PLGRKT: variants seen among roughly 807,000 people sequenced by gnomAD.
PLGRKT encodes plasminogen receptor with a C-terminal lysine, also known as plasminogen receptor (KT).
Under a neutral mutation model 18.5 loss-of-function variants are expected in PLGRKT, and 22 were observed. The ratio of observed to expected loss-of-function variants is 1.19; its 90% CI spans 0.85 to 1.70. The LOEUF (loss-of-function observed/expected upper bound fraction) is 1.70, where lower values mean the gene tolerates loss of function less well. PLGRKT is among the 40% of genes most tolerant of loss of function. The pLI is 0.00. For missense variants in PLGRKT, 235 were observed against 174.4 expected, an observed-to-expected ratio of 1.35 and a Z score of -1.96; for synonymous variants, 72 against 52.8, an observed-to-expected ratio of 1.36 and a Z score of -1.58.
intron 2 of PLGRKT, among the ~76,000 whole-genome samples, chr9:5,433,980 G>A (rs1307987584): frequency 3.3e-4 from 47 of 140,916 alleles, no homozygotes; most frequent in Admixed American, 1.0e-3. Context: ...GAGCGCCTCT[G>A]CCCGGCTGCC....
intron 3 of PLGRKT, among the ~76,000 whole-genome samples, chr9:5,365,339 A>G (rs1306324125): frequency 6.6e-6 from 1 of 152,224 alleles, no homozygotes; most frequent in African/African-American, 2.4e-5. Flanking sequence ...CAAAATAAAT[A>G]ACATAGTGTT....
intron 3 of PLGRKT, among the ~76,000 whole-genome samples, chr9:5,394,443 C>T (rs995717290): frequency 5.9e-5 from 9 of 151,872 alleles, no homozygotes; most frequent in African/African-American, 2.2e-4. Flanking sequence ...GAAGGAGTCT[C>T]GCTGTGTTGC....
intron 3 of PLGRKT, among the ~76,000 whole-genome samples, chr9:5,383,110 G>A (rs781326603): frequency 2.0e-5 from 3 of 152,226 alleles, no homozygotes; most frequent in Non-Finnish European, 2.9e-5. Flanking sequence ...AGAGTAGAGA[G>A]GCCAGGTGGA....
intron 3 of PLGRKT, among the ~76,000 whole-genome samples, chr9:5,401,506 G>C (rs1317748121): frequency 6.6e-6 from 1 of 151,868 alleles, no homozygotes; most frequent in Non-Finnish European, 1.5e-5. Flanking sequence ...GTAACCCAGA[G>C]AAAGATTAGA....
At chr9:5,378,682 T>A (rs1234075346) in intron 3 of PLGRKT, among the ~76,000 whole-genome samples, 32 of 152,208 alleles carry the variant, frequency 2.1e-4, no homozygotes, top group Non-Finnish European at 2.9e-5. Flanking sequence ...ATGAAGAAGA[T>A]AGAAGAGTTA....
intron 3 of PLGRKT, among the ~76,000 whole-genome samples, chr9:5,404,241 TTG>T (rs1818212491): frequency 2.1e-4 from 32 of 152,028 alleles, no homozygotes; most frequent in Non-Finnish European, 1.5e-4. Flanking sequence ...TTCCAAACAA[TTG>T]AAAAGGAGGG....
At chr9:5,413,153 T>A (rs1818396963) in intron 3 of PLGRKT, among the ~76,000 whole-genome samples, 1 of 152,228 alleles carries the variant, frequency 6.6e-6, no homozygotes, top group South Asian at 2.1e-4. Flanking sequence ...AAGAGAAACG[T>A]AGCAATATCT....
intron 3 of PLGRKT, among the ~76,000 whole-genome samples, chr9:5,383,810 C>T (rs1817790193): frequency 6.6e-6 from 1 of 152,176 alleles, no homozygotes; most frequent in East Asian, 1.9e-4. Context: ...TCCTGCTGGG[C>T]AGTCCGGTTC....
In PLGRKT at chr9:5,394,869, T is replaced by C. The variant is rs79589149; in HGVS notation, c.82-32981A>G. ...GCTGGAGATAGACTACAGTGAACTA[T>C]TTCCAAACAGCCAGCCATGGTGAAG... On this transcript the variant is annotated intron_variant, in intron 3 of 5. Coordinates refer to ENST00000223864, the MANE Select transcript of PLGRKT (RefSeq NM_018465.4). 4.2e-3 allele frequency among the ~76,000 whole-genome samples: 639 copies of C among 152,030 alleles called. 16 individuals carry two copies. Among genetic ancestry groups the C allele is most frequent in the African/African-American group, 0.015 (620 of 41,300 alleles).
intron 3 of PLGRKT, among the ~76,000 whole-genome samples, chr9:5,389,490 T>A (rs1817906674): frequency 6.6e-6 from 1 of 152,018 alleles, no homozygotes. Context: ...TGCCATGTGC[T>A]TTGAGGGGAT....
intron 5 of PLGRKT, among the ~76,000 whole-genome samples, chr9:5,360,466 T>C (rs756693198): frequency 6.6e-5 from 10 of 152,174 alleles, no homozygotes; most frequent in Non-Finnish European, 1.3e-4. Context: ...TAAAACTTTA[T>C]TTTGGAAAAC....
chr9:5,394,320 G>C (rs989567485), intron 3 of PLGRKT, among the ~76,000 whole-genome samples: 1 of 151,966 alleles, frequency 6.6e-6, no homozygotes, highest in South Asian at 2.1e-4. Context: ...AAAGAACAAG[G>C]TAAATGGCTC....
chr9:5,377,923 C>T lies in PLGRKT; in HGVS notation c.82-16035G>A, dbSNP rs574323579. On this transcript the variant is annotated intron_variant, in intron 3 of 5. Coordinates refer to ENST00000223864, the MANE Select transcript of PLGRKT (RefSeq NM_018465.4). ...CAAGAAAGAAAGAAAAAATAGAAGGCAGTACCACTGAGACCTGAAGTATGA... is the reference window on the plus strand; with the variant it reads ...CAAGAAAGAAAGAAAAAATAGAAGGTAGTACCACTGAGACCTGAAGTATGA... 2.6e-5 allele frequency among the ~76,000 whole-genome samples: 4 copies of T among 152,298 alleles called. No individual in the cohort carries two copies. The South Asian group carries it at 8.3e-4, about 32-fold the overall frequency.
chr9:5,405,581 C>T (rs986285468), intron 3 of PLGRKT, among the ~76,000 whole-genome samples: 5 of 152,154 alleles, frequency 3.3e-5, no homozygotes, highest in African/African-American at 1.2e-4. Flanking sequence ...AACTGGATCC[C>T]TTCCTTACAC....
chr9:5,368,931 C>G (rs1328506650), intron 3 of PLGRKT, among the ~76,000 whole-genome samples: 1 of 152,162 alleles, frequency 6.6e-6, no homozygotes, highest in African/African-American at 2.4e-5. Context: ...TGGACCCCTT[C>G]CTTATGCCTT....
chr9:5,425,187 T>A (rs370181983), intron 3 of PLGRKT, among the ~76,000 whole-genome samples: 10 of 152,174 alleles, frequency 6.6e-5, no homozygotes, highest in African/African-American at 2.2e-4. Flanking sequence ...AAAATGCTTT[T>A]CCAGCCACTC....
chr9:5,376,115 T>G (rs1042367822), intron 3 of PLGRKT, among the ~76,000 whole-genome samples: 1 of 152,200 alleles, frequency 6.6e-6, no homozygotes, highest in African/African-American at 2.4e-5. Context: ...ACAAATTATA[T>G]AATTCCACTT....
At chr9:5,432,423 C>T (rs769097325) in intron 2 of PLGRKT, among the ~76,000 whole-genome samples, 3 of 152,182 alleles carry the variant, frequency 2.0e-5, no homozygotes, top group Non-Finnish European at 2.9e-5. Flanking sequence ...AAGAAGATGC[C>T]TTGTGCGTCT....
chr9:5,360,914 G>A lies in PLGRKT; in HGVS notation c.322+164C>T, dbSNP rs943819166. On this transcript the variant is annotated intron_variant, in intron 5 of 5. Coordinates refer to ENST00000223864, the MANE Select transcript of PLGRKT (RefSeq NM_018465.4). ...TGGTTCTTGTGAGCTGGTATGAGCTGGCTCTAGGACACCACTGTGTGAAAG... is the reference window on the plus strand; with the variant it reads ...TGGTTCTTGTGAGCTGGTATGAGCTAGCTCTAGGACACCACTGTGTGAAAG... Among the ~76,000 whole-genome samples, 3 of 152,194 alleles carry A rather than the reference G, an allele frequency of 2.0e-5. No individual in the cohort carries two copies. In the East Asian group the frequency reaches 5.8e-4, roughly 29 times the overall value.
Sources: allele counts gnomAD v4.1 joint callset (sites outside exome capture counted in the v4.1 genomes callset), GRCh38; gene constraint gnomAD v4.1.1; transcripts MANE v1.5; gene names NCBI Gene and HGNC (gene_info 2026-07-23, HGNC 2026-07-21).